The following SORCS2 variants were observed in gnomAD, a reference collection of about 807,000 sequenced individuals.
SORCS2 encodes VPS10 domain-containing receptor SorCS2.
Under a neutral mutation model 141.6 loss-of-function variants are expected in SORCS2, and 100 were observed. The observed-to-expected ratio is 0.71, with a 90% confidence interval of 0.60 to 0.83. SORCS2 has a LOEUF of 0.83. SORCS2 is among the 40% of genes least tolerant of loss of function. SORCS2 has a pLI of 0.00. For missense variants in SORCS2, 1,646 were observed against 1,560.2 expected (o/e 1.05, Z -0.93); for synonymous variants, 789 against 676.9 (o/e 1.17, Z -2.57).
intron 2 of SORCS2, among the ~76,000 whole-genome samples, chr4:7,414,010 AT>A (rs1159622952): frequency 1.3e-5 from 2 of 152,194 alleles, no homozygotes; most frequent in African/African-American, 4.8e-5. Flanking sequence ...CGAAAGAGCC[AT>A]TTAGGGAAGA....
At chr4:7,681,693 G>A (rs568980308) in intron 9 of SORCS2, among the ~76,000 whole-genome samples, 3 of 152,340 alleles carry the variant, frequency 2.0e-5, no homozygotes, top group African/African-American at 7.2e-5. Flanking sequence ...CATCATGGCT[G>A]CTGTTGTTCT....
At chr4:7,594,904 C>T (rs923666444) in intron 3 of SORCS2, among the ~76,000 whole-genome samples, 8 of 152,150 alleles carry the variant, frequency 5.3e-5, no homozygotes, top group African/African-American at 9.7e-5. Flanking sequence ...GCCTCAACTG[C>T]GTTTACTCAC....
intron 2 of SORCS2, among the ~76,000 whole-genome samples, chr4:7,403,961 G>GTGTGTATATATA (rs1260939310): frequency 3.3e-5 from 1 of 29,892 alleles, no homozygotes; most frequent in East Asian, 8.6e-4. Flanking sequence ...CTCCATGTGT[G>GTGTGTATATATA]TATATATATA....
rs117062511 is a variant in SORCS2 at position 7,480,533 on chromosome 4, C to T, written c.549-50997C>T. The stretch of plus-strand genomic sequence containing the variant: ...GCAGGCTGTGTTCAGAACAGGCACC[C>T]GCCAAGGGGGCGACTGGAGGGGACC... On this transcript the variant is annotated intron_variant, in intron 2 of 26. Coordinates refer to ENST00000507866, the MANE Select transcript of SORCS2 (RefSeq NM_020777.3). Among the ~76,000 whole-genome samples the T allele has an allele frequency of 3.0e-3, 454 of 152,324 alleles. 19 individuals carry two copies. The East Asian group carries it at 0.079, about 27-fold the overall frequency.
chr4:7,661,914 C>T (rs1159220223), intron 6 of SORCS2, among the ~76,000 whole-genome samples: 1 of 152,168 alleles, frequency 6.6e-6, no homozygotes, highest in African/African-American at 2.4e-5. Context: ...CAGCCAACTT[C>T]CTGCCCAGGG....
chr4:7,359,965 A>G (rs1721482117), intron 1 of SORCS2, among the ~76,000 whole-genome samples: 1 of 152,168 alleles, frequency 6.6e-6, no homozygotes, highest in African/African-American at 2.4e-5. Context: ...AATAATAATC[A>G]CAGCAGAGTA....
At chr4:7,265,479 G>A (rs1386456183) in intron 1 of SORCS2, among the ~76,000 whole-genome samples, 1 of 149,592 alleles carries the variant, frequency 6.7e-6, no homozygotes, top group Non-Finnish European at 1.5e-5. Flanking sequence ...GACAGAGTGA[G>A]ACTCCATCTC....
chr4:7,268,398 G>C (rs964555275), intron 1 of SORCS2, among the ~76,000 whole-genome samples: 1 of 152,080 alleles, frequency 6.6e-6, no homozygotes, highest in Non-Finnish European at 1.5e-5. Context: ...GCTTCCTGTC[G>C]GCCACTTAAC....
At chr4:7,712,911 C>G (rs1725921804) in intron 15 of SORCS2, 58 bp downstream of exon 15, 2 of 1,594,630 alleles carry the variant, frequency 1.3e-6, no homozygotes, top group Non-Finnish European at 1.7e-6. Flanking sequence ...AACACAGGCC[C>G]ACTCTGCCTG....
intron 1 of SORCS2, among the ~76,000 whole-genome samples, chr4:7,200,706 C>T (rs370031196): frequency 7.2e-5 from 11 of 152,224 alleles, no homozygotes; most frequent in South Asian, 2.1e-4. Context: ...TGGTCTCACC[C>T]GTGCCTGCTG....
intron 17 of SORCS2, among the ~76,000 whole-genome samples, chr4:7,716,752 A>C (rs1726221474): frequency 6.6e-6 from 1 of 152,158 alleles, no homozygotes; most frequent in South Asian, 2.1e-4. Context: ...TGTATCATGA[A>C]GCTGCAGTGG....
intron 3 of SORCS2, among the ~76,000 whole-genome samples, chr4:7,626,392 T>C (rs1485467009): frequency 1.3e-5 from 2 of 152,218 alleles, no homozygotes; most frequent in African/African-American, 4.8e-5. Flanking sequence ...AGTCATTCCA[T>C]AGGTGTTTCA....
chr4:7,686,247 C>G (rs1192396561), intron 10 of SORCS2, among the ~76,000 whole-genome samples: 1 of 152,216 alleles, frequency 6.6e-6, no homozygotes, highest in African/African-American at 2.4e-5. Flanking sequence ...TGGTTTGAAT[C>G]TGTTTGCATC....
chr4:7,682,293 G>T (rs989377799), intron 9 of SORCS2, among the ~76,000 whole-genome samples: 1 of 152,104 alleles, frequency 6.6e-6, no homozygotes, highest in Admixed American at 6.5e-5. Context: ...CTGGGGGTCC[G>T]CAGAGGCAAG....
chr4:7,719,935 C>A (rs1221446706), intron 18 of SORCS2, among the ~76,000 whole-genome samples: 1 of 152,134 alleles, frequency 6.6e-6, no homozygotes, highest in Non-Finnish European at 1.5e-5. Flanking sequence ...TCAACCCCCA[C>A]CCCACTGTGC....
At chr4:7,318,840 G>T (rs529893978) in intron 1 of SORCS2, among the ~76,000 whole-genome samples, 1 of 152,106 alleles carries the variant, frequency 6.6e-6, no homozygotes, top group Non-Finnish European at 1.5e-5. Flanking sequence ...TCAAGATATA[G>T]AATAATTTTA....
At chr4:7,732,595 G>T (rs1240917151) in intron 23 of SORCS2, among the ~76,000 whole-genome samples, 1 of 152,104 alleles carries the variant, frequency 6.6e-6, no homozygotes, top group African/African-American at 2.4e-5. Flanking sequence ...CCCTCAGGTA[G>T]GGGGTCTGAT....
intron 2 of SORCS2, among the ~76,000 whole-genome samples, chr4:7,490,096 G>C (rs778134006): frequency 4.6e-5 from 7 of 152,214 alleles, no homozygotes; most frequent in Non-Finnish European, 8.8e-5. Flanking sequence ...GCCCTGGGCT[G>C]ACACCCCAGG....
At chr4:7,485,907 A>G (rs1158147025) in intron 2 of SORCS2, among the ~76,000 whole-genome samples, 2 of 152,162 alleles carry the variant, frequency 1.3e-5, no homozygotes, top group Non-Finnish European at 2.9e-5. Context: ...ATGTGGCACC[A>G]TGGGGCTTCC....
Sources: gnomAD v4.1 joint callset for allele counts (sites outside exome capture counted in the v4.1 genomes callset) on GRCh38, gnomAD v4.1.1 for gene constraint, MANE v1.5 for transcripts, NCBI Gene and HGNC (gene_info 2026-07-23, HGNC 2026-07-21) for gene names.